CDH11: variants seen among roughly 807,000 people sequenced by gnomAD.
The protein encoded by CDH11 is cadherin-11.
A neutral mutation model predicts 67.8 loss-of-function variants in CDH11; 11 were observed. The observed-to-expected ratio is 0.16, with a 90% CI of 0.10 to 0.27. The LOEUF (loss-of-function observed/expected upper bound fraction) is 0.27, where lower values mean the gene tolerates loss of function less well. Among genes scored for constraint, CDH11 ranks in the 10% least tolerant of loss-of-function variants. The pLI is 1.00. For synonymous variants in CDH11, 419 were observed against 400.0 expected, an observed-to-expected ratio of 1.05 and a Z score of -0.57; for missense variants, 847 against 1,031.2, an observed-to-expected ratio of 0.82 and a Z score of 2.45.
At chr16:65,035,636 C>A in intron 2 of CDH11, among the ~76,000 whole-genome samples, 1 of 150,568 alleles carries the variant, frequency 6.6e-6, no homozygotes, top group East Asian at 1.9e-4. Context: ...TTATGGAATA[C>A]CTGGAGTAGA....
chr16:65,115,235 G>C (rs2075222796), intron 1 of CDH11, among the ~76,000 whole-genome samples: 1 of 152,120 alleles, frequency 6.6e-6, no homozygotes, highest in Non-Finnish European at 1.5e-5. Flanking sequence ...TTCAAAAGCA[G>C]TAATTATCTC....
chr16:65,042,495 G>C (rs1056901010), intron 2 of CDH11, among the ~76,000 whole-genome samples: 1 of 152,156 alleles, frequency 6.6e-6, no homozygotes, highest in African/African-American at 2.4e-5. Flanking sequence ...AAAGGGCTGG[G>C]TCTGCTCAAG....
At chr16:65,062,466 T>C (rs985346200) in intron 1 of CDH11, among the ~76,000 whole-genome samples, 2 of 152,194 alleles carry the variant, frequency 1.3e-5, no homozygotes, top group African/African-American at 4.8e-5. Flanking sequence ...GTAAACTGCA[T>C]AGTCCATAGC....
At chr16:65,031,007 C>T (rs1567538043) in intron 2 of CDH11, among the ~76,000 whole-genome samples, 1 of 152,170 alleles carries the variant, frequency 6.6e-6, no homozygotes, top group Non-Finnish European at 1.5e-5. Context: ...AAAGGATTAA[C>T]TATGGTGCTA....
At chr16:65,117,133 C>T (rs1395805253) in intron 1 of CDH11, among the ~76,000 whole-genome samples, 2 of 152,210 alleles carry the variant, frequency 1.3e-5, no homozygotes, top group Admixed American at 1.3e-4. Flanking sequence ...TTACAAAACA[C>T]TTTGTCTTAC....
intron 3 of CDH11, 85 bp from the exon 4 acceptor site, chr16:64,998,941 G>A (rs2072844773): frequency 2.0e-6 from 2 of 999,490 alleles, no homozygotes; most frequent in Non-Finnish European, 2.9e-6. Flanking sequence ...ACAATCTGCT[G>A]CGCACACACA....
At chr16:65,122,108 GGTGGCGGGCGGGCAGGC>G, upstream of CDH11, 2 of 547,164 alleles carry the variant, frequency 3.7e-6, no homozygotes, top group African/African-American at 2.0e-5. Context: ...ACCGGGGGGA[GGTGGCGGGCGGGCAGGC>G]GGGTGCGGGG....
At chr16:65,009,911 C>A (rs138042949) in intron 2 of CDH11, among the ~76,000 whole-genome samples, 2 of 152,160 alleles carry the variant, frequency 1.3e-5, no homozygotes, top group African/African-American at 4.8e-5. Context: ...CAGAAGCCAC[C>A]GTGCCTTGAG....
chr16:65,020,760 A>ATC (rs1301451176), intron 2 of CDH11, among the ~76,000 whole-genome samples: 2 of 152,168 alleles, frequency 1.3e-5, no homozygotes, highest in Non-Finnish European at 2.9e-5. Flanking sequence ...AGTCAGTTAG[A>ATC]TCTCTTTTCT....
intron 1 of CDH11, among the ~76,000 whole-genome samples, chr16:65,065,438 A>G (rs1322023256): frequency 6.6e-6 from 1 of 152,208 alleles, no homozygotes; most frequent in East Asian, 1.9e-4. Flanking sequence ...CTTGGGCTAA[A>G]GTCATATTAG....
chr16:64,961,262 G>C (rs1385589402), intron 11 of CDH11, among the ~76,000 whole-genome samples: 2 of 152,124 alleles, frequency 1.3e-5, no homozygotes. Context: ...TTTACAAAAG[G>C]CTACTCTTAA....
chr16:65,009,739 A>G (rs1338894518), intron 2 of CDH11, among the ~76,000 whole-genome samples: 2 of 152,232 alleles, frequency 1.3e-5, no homozygotes, highest in Non-Finnish European at 2.9e-5. Flanking sequence ...CTACTAAAAC[A>G]TATAGGAGGA....
chr16:64,988,816 CA>C (rs1345776867), intron 6 of CDH11, among the ~76,000 whole-genome samples: 2 of 152,094 alleles, frequency 1.3e-5, no homozygotes, highest in Non-Finnish European at 2.9e-5. Flanking sequence ...TTTAAAAATG[CA>C]AACTTTAACA....
intron 4 of CDH11, among the ~76,000 whole-genome samples, chr16:64,995,534 A>G (rs1281733401): frequency 1.3e-5 from 2 of 152,240 alleles, no homozygotes; most frequent in African/African-American, 4.8e-5. Flanking sequence ...ATAGCTGGCT[A>G]GCCTCATGCA....
rs545544886 is a variant in CDH11, at chr16:64,960,836, G to GA, written c.1643-9819dup. Among the ~76,000 whole-genome samples the GA allele has an allele frequency of 9.2e-4, 139 of 151,772 alleles. 1 individual carries two copies. Among genetic ancestry groups the GA allele is most frequent in the African/African-American group, 2.9e-3 (121 of 41,470 alleles). On this transcript the variant is annotated intron_variant, in intron 11 of 12. Transcript: ENST00000268603. ...GAGAGGCAGGAAAGAATTTAAAAAAGAGAGAGAGAGAGGCATTGTCCAGTT... is the reference window on the plus strand; with the variant it reads ...GAGAGGCAGGAAAGAATTTAAAAAAGAAGAGAGAGAGAGGCATTGTCCAGTT...
chr16:64,993,120 C>G, intron 4 of CDH11, 86 bp from the exon 5 acceptor site: 1 of 1,176,594 alleles, frequency 8.5e-7, no homozygotes. Flanking sequence ...CTAAAATTAA[C>G]CCTGAAGAAG....
chr16:65,007,100 G>C (rs1376801448), intron 2 of CDH11: 2 of 152,204 alleles, frequency 1.3e-5, no homozygotes, highest in African/African-American at 4.8e-5. Context: ...ATAGCCATCT[G>C]ACCTCAGCAA....
chr16:65,065,466 C>T (rs887646813), intron 1 of CDH11, among the ~76,000 whole-genome samples: 10 of 152,160 alleles, frequency 6.6e-5, no homozygotes, highest in South Asian at 2.1e-4. Context: ...GGCTGCTTCA[C>T]GAAAGGGACG....
At chr16:64,973,939 T>C (rs1450196433) in intron 8 of CDH11, among the ~76,000 whole-genome samples, 1 of 152,200 alleles carries the variant, frequency 6.6e-6, no homozygotes, top group African/African-American at 2.4e-5. Flanking sequence ...CTTGGCCATT[T>C]ACTTGTAGGG....
Sources: gnomAD v4.1 joint callset for allele counts (sites outside exome capture counted in the v4.1 genomes callset) on GRCh38, gnomAD v4.1.1 for gene constraint, MANE v1.5 for transcripts, NCBI Gene and HGNC (gene_info 2026-07-23, HGNC 2026-07-21) for gene names.